Variants in TYW1B observed in about 807,000 individuals in gnomAD.
TYW1B encodes the protein S-adenosyl-L-methionine-dependent tRNA 4-demethylwyosine synthase TYW1B.
A neutral mutation model predicts 86.9 loss-of-function variants in TYW1B; 73 were observed. That is an observed-to-expected ratio of 0.84 (90% CI 0.70 to 1.02). TYW1B has a LOEUF of 1.02. TYW1B is among the 50% of genes least tolerant of loss of function. The pLI is 0.00. For synonymous variants in TYW1B, 248 were observed against 292.8 expected, an observed-to-expected ratio of 0.85 and a Z score of 1.56; for missense variants, 637 against 827.4, an observed-to-expected ratio of 0.77 and a Z score of 2.82.
intron 3 of TYW1B, among the ~76,000 whole-genome samples, chr7:72,814,902 C>CAAAAAAA (rs35390409): frequency 1.6e-5 from 2 of 125,828 alleles, no homozygotes; most frequent in Non-Finnish European, 3.5e-5. Context: ...TCAACTCTAG[C>CAAAAAAA]AAAAAAAAAA....
chr7:72,759,534 T>C (rs910442903), intron 7 of TYW1B, among the ~76,000 whole-genome samples: 1 of 152,208 alleles, frequency 6.6e-6, no homozygotes, highest in Non-Finnish European at 1.5e-5. Context: ...CATTTTTCAA[T>C]TGATGGGCAA....
intron 11 of TYW1B, among the ~76,000 whole-genome samples, chr7:72,630,546 T>C (rs1812458267): frequency 6.6e-6 from 1 of 151,364 alleles, no homozygotes. Context: ...CACAAAATGA[T>C]ACCAATCTTA....
At chr7:72,609,381 G>T (rs368605732) in intron 13 of TYW1B, among the ~76,000 whole-genome samples, 3 of 151,820 alleles carry the variant, frequency 2.0e-5, no homozygotes. Context: ...CAACACAGTG[G>T]GACCCGATCT....
In TYW1B at chr7:72,768,052, C is replaced by A. The variant is rs577075559; in HGVS notation, c.964+9364G>T. Among the ~76,000 whole-genome samples the A allele has an allele frequency of 8.5e-5, 13 of 152,094 alleles. No individual in the cohort carries two copies. The South Asian group carries it at 1.9e-3, about 22-fold the overall frequency. The stretch of plus-strand genomic sequence containing the variant: ...ATCACTTGAGTCCAAGAGTTCAAAA[C>A]CAGCATGGGCAACATGATGAAACCC... On this transcript the variant is annotated intron_variant, in intron 7 of 13. Transcript: ENST00000620995.
At chr7:72,750,978 G>A (rs967945745) in intron 7 of TYW1B, among the ~76,000 whole-genome samples, 12 of 151,914 alleles carry the variant, frequency 7.9e-5, no homozygotes, top group African/African-American at 2.4e-4. Context: ...CAATCTCTAA[G>A]GCTGTACTTA....
chr7:72,806,358 C>T (rs1788495178), intron 5 of TYW1B, among the ~76,000 whole-genome samples: 1 of 151,604 alleles, frequency 6.6e-6, no homozygotes, highest in Admixed American at 6.6e-5. Context: ...GCCTCAGCCT[C>T]CCGAGTAGCT....
In TYW1B at chr7:72,700,155, C is replaced by CTTT. The variant is rs587689485; in HGVS notation, c.1371-5336_1371-5334dup. On this transcript the variant is annotated intron_variant, in intron 10 of 13. Coordinates refer to ENST00000620995, the MANE Select transcript of TYW1B (RefSeq NM_001145440.3). ...TATCAATACATAAAGAGCTTTTACA[C>CTTT]TTTTTTTTTTTTTTTTTTTTTTTTT... 3.2e-3 allele frequency among the ~76,000 whole-genome samples: 238 copies of CTTT among 74,274 alleles called. 15 individuals carry two copies. Among genetic ancestry groups the CTTT allele is most frequent in the East Asian group, 0.012 (19 of 1,596 alleles). The allele number at this position is 74,274 out of a possible 152,430, so 48.7% of individuals were successfully genotyped here.
chr7:72,694,107 C>T (rs1295861538), intron 11 of TYW1B, among the ~76,000 whole-genome samples: 1 of 152,040 alleles, frequency 6.6e-6, no homozygotes, highest in Non-Finnish European at 1.5e-5. Flanking sequence ...ATAACAGGTG[C>T]ATGCCATCAC....
At position 72,738,358 on chromosome 7, in the gene TYW1B, C is replaced by G. The variant is rs549205719; in HGVS notation, c.1082+6126G>C. ...TCAGCCTCCCAAAGTGCTGGGATTACAGGCATGAGCCACTGCGCCCGGCCT... is the reference window on the plus strand; with the variant it reads ...TCAGCCTCCCAAAGTGCTGGGATTAGAGGCATGAGCCACTGCGCCCGGCCT... On this transcript the variant is annotated intron_variant, in intron 8 of 13. Transcript: ENST00000620995. Among the ~76,000 whole-genome samples, 9 of 152,298 alleles carry G rather than the reference C, an allele frequency of 5.9e-5. No individual in the cohort carries two copies. The East Asian group carries it at 1.7e-3, about 29-fold the overall frequency.
chr7:72,765,798 A>T (rs576466447), intron 7 of TYW1B, among the ~76,000 whole-genome samples: 7 of 152,278 alleles, frequency 4.6e-5, no homozygotes, highest in African/African-American at 1.4e-4. Context: ...AACAAGCCTC[A>T]TGTCTGATTT....
intron 2 of TYW1B, among the ~76,000 whole-genome samples, chr7:72,820,637 A>G (rs71554649): frequency 0.12 from 18,093 of 151,912 alleles, 1,986 homozygotes; most frequent in East Asian, 0.33. Context: ...GAGAGGTTCC[A>G]GGCTCTTCTT....
intron 11 of TYW1B, among the ~76,000 whole-genome samples, chr7:72,667,031 C>CAAAAACAA (rs1813480836): frequency 2.4e-5 from 1 of 42,376 alleles, no homozygotes; most frequent in Non-Finnish European, 3.8e-5. Flanking sequence ...GACTCCGTCT[C>CAAAAACAA]AAAAAAAAAA....
chr7:72,762,444 G>A (rs1239574311), intron 7 of TYW1B, among the ~76,000 whole-genome samples: 2 of 151,988 alleles, frequency 1.3e-5, no homozygotes, highest in Admixed American at 6.6e-5. Flanking sequence ...GTCAACTCCT[G>A]TAACTTTTGT....
intron 9 of TYW1B, among the ~76,000 whole-genome samples, chr7:72,727,767 T>C (rs1168108656): frequency 8.0e-6 from 1 of 125,632 alleles, no homozygotes; most frequent in African/African-American, 3.2e-5. Context: ...TGAGCCAAGA[T>C]AGCACCACAT....
chr7:72,711,473 CTTTTTTTTTTTTTTT>C (rs59438928), intron 10 of TYW1B, among the ~76,000 whole-genome samples: 18 of 56,966 alleles, frequency 3.2e-4, no homozygotes, highest in African/African-American at 5.1e-4. Flanking sequence ...CTCTTTAATT[CTTTTTTTTTTTTTTT>C]TTTTTTTTTT....
At chr7:72,741,708 A>G (rs1787307764) in intron 8 of TYW1B, among the ~76,000 whole-genome samples, 1 of 152,238 alleles carries the variant, frequency 6.6e-6, no homozygotes, top group Admixed American at 6.5e-5. Context: ...TGCTGGAAGA[A>G]TAAGACAAAG....
At chr7:72,814,706 A>G (rs1788689001) in intron 3 of TYW1B, among the ~76,000 whole-genome samples, 1 of 152,036 alleles carries the variant, frequency 6.6e-6, no homozygotes. Flanking sequence ...AAATTGCACC[A>G]CTGCACTCCA....
intron 11 of TYW1B, among the ~76,000 whole-genome samples, chr7:72,637,691 T>TAA (rs782101283): frequency 8.7e-4 from 125 of 144,010 alleles, no homozygotes; most frequent in African/African-American, 3.0e-3. Context: ...CTTTTCTTTT[T>TAA]AAAAAAAAAA....
intron 7 of TYW1B, among the ~76,000 whole-genome samples, chr7:72,746,181 A>G (rs1335395431): frequency 2.0e-5 from 3 of 152,010 alleles, no homozygotes; most frequent in Non-Finnish European, 4.4e-5. Context: ...ATAAAAGTCT[A>G]CTAGCTTATT....
Sources: allele counts gnomAD v4.1 joint callset (sites outside exome capture counted in the v4.1 genomes callset), GRCh38; gene constraint gnomAD v4.1.1; transcripts MANE v1.5; gene names NCBI Gene and HGNC (gene_info 2026-07-23, HGNC 2026-07-21).